The following ADCY2 variants were observed in gnomAD, a reference collection of about 807,000 sequenced individuals.
ADCY2 encodes the protein adenylate cyclase 2.
Under a neutral mutation model 125.2 loss-of-function variants are expected in ADCY2, and 31 were observed. The observed-to-expected ratio is 0.25, with a 90% confidence interval of 0.19 to 0.33. The LOEUF (loss-of-function observed/expected upper bound fraction) is 0.33. ADCY2 is among the 10% of genes least tolerant of loss of function. The pLI is 1.00. For missense variants in ADCY2, 904 were observed against 1,418.2 expected (o/e 0.64, Z 5.82); for synonymous variants, 512 against 548.4 (o/e 0.93, Z 0.93).
At chr5:7,443,352 G>C (rs1046942088) in intron 2 of ADCY2, among the ~76,000 whole-genome samples, 15 of 152,000 alleles carry the variant, frequency 9.9e-5, no homozygotes, top group Admixed American at 5.2e-4. Context: ...ATTTATTCTT[G>C]TTTTATTGTG....
chr5:7,723,304 A>T (rs1256202001), intron 12 of ADCY2, among the ~76,000 whole-genome samples: 7 of 152,108 alleles, frequency 4.6e-5, no homozygotes, highest in Non-Finnish European at 8.8e-5. Context: ...AAAAAGAAGT[A>T]TTTTTATTTT....
intron 2 of ADCY2, among the ~76,000 whole-genome samples, chr5:7,508,365 T>G (rs1743926846): frequency 6.6e-6 from 1 of 152,186 alleles, no homozygotes; most frequent in Non-Finnish European, 1.5e-5. Flanking sequence ...TCACACCCCC[T>G]CGTCTTCAGG....
intron 15 of ADCY2, among the ~76,000 whole-genome samples, chr5:7,755,091 C>A (rs1727850707): frequency 6.6e-6 from 1 of 152,188 alleles, no homozygotes; most frequent in South Asian, 2.1e-4. Flanking sequence ...CCATCACCAA[C>A]CCCTATCCAA....
rs1579489287 is a variant in ADCY2 at position 7,829,182 on chromosome 5, A to T, written c.*2311A>T. On this transcript the variant is annotated 3_prime_UTR_variant, in exon 25 of 25. Transcript: ENST00000338316. ...ATGCAAATTCTCAGGCCCCAACCTGAAGGAGGACCCTGAATTTGAGATCCC... is the reference window on the plus strand; with the variant it reads ...ATGCAAATTCTCAGGCCCCAACCTGTAGGAGGACCCTGAATTTGAGATCCC... 1 of 152,520 alleles carries T rather than the reference A, an allele frequency of 6.6e-6. No homozygotes were observed. Among genetic ancestry groups the T allele is most frequent in the Non-Finnish European group, 1.5e-5 (1 of 68,042 alleles). The allele number at this position is 152,520 out of a possible 1,614,324, so 9.4% of individuals were successfully genotyped here.
At chr5:7,756,394 A>G (rs959290371) in intron 15 of ADCY2, among the ~76,000 whole-genome samples, 15 of 152,210 alleles carry the variant, frequency 9.9e-5, no homozygotes, top group African/African-American at 3.6e-4. Context: ...CCCGATATGT[A>G]TAGCCGCATA....
chr5:7,409,147 C>G (rs950050943), intron 1 of ADCY2, among the ~76,000 whole-genome samples: 1 of 152,146 alleles, frequency 6.6e-6, no homozygotes, highest in African/African-American at 2.4e-5. Context: ...CCAAATACCG[C>G]ATACTCTCAC....
intron 2 of ADCY2, among the ~76,000 whole-genome samples, chr5:7,420,966 A>G (rs1311417689): frequency 6.6e-6 from 1 of 152,142 alleles, no homozygotes; most frequent in African/African-American, 2.4e-5. Context: ...TGGTGCATCT[A>G]GTAAGTGGGA....
At chr5:7,543,883 G>T (rs1373861094) in intron 3 of ADCY2, among the ~76,000 whole-genome samples, 2 of 151,788 alleles carry the variant, frequency 1.3e-5, no homozygotes, top group African/African-American at 4.8e-5. Context: ...GCGTGATGGA[G>T]GGTACCTGTA....
intron 24 of ADCY2, among the ~76,000 whole-genome samples, chr5:7,821,452 G>A (rs77158728): frequency 1.8e-3 from 279 of 152,336 alleles, no homozygotes; most frequent in Middle Eastern, 3.4e-3. Context: ...AATCAAGGAA[G>A]AGCGGGAAGA....
At chr5:7,577,886 T>C (rs1368706864) in intron 3 of ADCY2, among the ~76,000 whole-genome samples, 1 of 152,158 alleles carries the variant, frequency 6.6e-6, no homozygotes, top group Non-Finnish European at 1.5e-5. Context: ...AGTCAAATTA[T>C]GGGGCCCACC....
chr5:7,733,969 C>T (rs748556117), intron 14 of ADCY2, among the ~76,000 whole-genome samples: 1 of 151,758 alleles, frequency 6.6e-6, no homozygotes, highest in African/African-American at 2.4e-5. Flanking sequence ...CCATTTCCTC[C>T]TTTCAACTTT....
intron 4 of ADCY2, among the ~76,000 whole-genome samples, chr5:7,684,510 A>C (rs1471298934): frequency 6.6e-6 from 1 of 152,256 alleles, no homozygotes; most frequent in Non-Finnish European, 1.5e-5. Context: ...GACTGAAGGC[A>C]TACTTTATAA....
chr5:7,485,679 A>G (rs996797543), intron 2 of ADCY2, among the ~76,000 whole-genome samples: 2 of 152,222 alleles, frequency 1.3e-5, no homozygotes, highest in African/African-American at 4.8e-5. Flanking sequence ...TGCAAAATAT[A>G]TAACTGAGTC....
intron 4 of ADCY2, among the ~76,000 whole-genome samples, chr5:7,628,162 T>C (rs1738197204): frequency 6.6e-6 from 1 of 152,168 alleles, no homozygotes; most frequent in Admixed American, 6.5e-5. Flanking sequence ...CTGTAGTGCA[T>C]GCTACAGGGT....
intron 4 of ADCY2, among the ~76,000 whole-genome samples, chr5:7,627,421 T>A (rs1298164167): frequency 6.6e-6 from 1 of 152,186 alleles, no homozygotes. Flanking sequence ...TTTGCTGTGC[T>A]TCACTCCGGG....
At chr5:7,489,911 G>A (rs1255524869) in intron 2 of ADCY2, among the ~76,000 whole-genome samples, 1 of 152,126 alleles carries the variant, frequency 6.6e-6, no homozygotes, top group Non-Finnish European at 1.5e-5. Context: ...GACTGATGTG[G>A]AGACTTGAGC....
chr5:7,405,805 C>G (rs72725265), intron 1 of ADCY2, among the ~76,000 whole-genome samples: 1 of 152,178 alleles, frequency 6.6e-6, no homozygotes, highest in African/African-American at 2.4e-5. Context: ...TGCTGAGCAA[C>G]CCTAATTACT....
intron 16 of ADCY2, among the ~76,000 whole-genome samples, chr5:7,763,383 G>A (rs1743294316): frequency 6.6e-6 from 1 of 152,128 alleles, no homozygotes; most frequent in Non-Finnish European, 1.5e-5. Context: ...GAGCCACCGC[G>A]CCCGGCCTCT....
At chr5:7,410,889 C>T (rs1199845417) in intron 1 of ADCY2, among the ~76,000 whole-genome samples, 1 of 152,004 alleles carries the variant, frequency 6.6e-6, no homozygotes, top group Non-Finnish European at 1.5e-5. Context: ...AACATGGCCT[C>T]GGGGTGTACC....
Sources: gnomAD v4.1 joint callset for allele counts (sites outside exome capture counted in the v4.1 genomes callset) on GRCh38, gnomAD v4.1.1 for gene constraint, MANE v1.5 for transcripts, NCBI Gene and HGNC (gene_info 2026-07-23, HGNC 2026-07-21) for gene names.